The following CLVS1 variants were observed in gnomAD, a reference collection of about 807,000 sequenced individuals.
CLVS1 encodes the protein clavesin 1, also known as clavesin-1.
CLVS1 carries 10 observed loss-of-function variants against 33.1 expected under a neutral mutation model. The ratio of observed to expected loss-of-function variants is 0.30; its 90% CI spans 0.19 to 0.51. The LOEUF (loss-of-function observed/expected upper bound fraction) is 0.51, where lower values mean the gene tolerates loss of function less well. Among genes scored for constraint, CLVS1 ranks in the 20% least tolerant of loss-of-function variants. CLVS1 has a pLI of 0.97. For missense variants in CLVS1, 343 were observed against 433.4 expected (o/e 0.79, Z 1.85); for synonymous variants, 163 against 166.1 (o/e 0.98, Z 0.14).
intron 2 of CLVS1, among the ~76,000 whole-genome samples, chr8:61,347,662 ATATATATATATATATATATATC>A (rs1563508453): frequency 2.0e-5 from 2 of 98,098 alleles, no homozygotes; most frequent in East Asian, 3.5e-4. Flanking sequence ...ATATATATAT[ATATATATATATATATATATATC>A]CTGAAGTATA....
chr8:61,158,041 C>G (rs1353367922), intron 2 of CLVS1, among the ~76,000 whole-genome samples: 8 of 152,198 alleles, frequency 5.3e-5, no homozygotes. Flanking sequence ...TTATTATACA[C>G]AGTAGCCCCA....
chr8:61,103,072 G>A (rs116953064), intron 1 of CLVS1, among the ~76,000 whole-genome samples: 20 of 152,156 alleles, frequency 1.3e-4, no homozygotes, highest in Middle Eastern at 3.4e-3. Context: ...TATGTAAGGC[G>A]GACAGCTTTA....
chr8:61,340,906 G>A (rs1404754273), intron 2 of CLVS1, among the ~76,000 whole-genome samples: 1 of 152,104 alleles, frequency 6.6e-6, no homozygotes, highest in African/African-American at 2.4e-5. Flanking sequence ...TTAAACCCTG[G>A]GGTGGGTGGA....
chr8:60,981,891 G>T, the CLVS1 span, among the ~76,000 whole-genome samples: 1 of 152,244 alleles, frequency 6.6e-6, no homozygotes. Context: ...ATTAGATGGG[G>T]TGTCAGGCTG....
At chr8:61,314,339 G>C (rs1289477067) in intron 2 of CLVS1, among the ~76,000 whole-genome samples, 1 of 152,100 alleles carries the variant, frequency 6.6e-6, no homozygotes, top group African/African-American at 2.4e-5. Flanking sequence ...GATCTCTAAA[G>C]TTTTCTGAAA....
intron 4 of CLVS1, among the ~76,000 whole-genome samples, chr8:61,454,721 C>T (rs1004018416): frequency 1.3e-5 from 2 of 152,194 alleles, no homozygotes; most frequent in Non-Finnish European, 2.9e-5. Context: ...TTGGAAATAA[C>T]ACTGCTCTTA....
intron 3 of CLVS1, among the ~76,000 whole-genome samples, chr8:61,448,530 AG>A (rs1273803707): frequency 6.6e-6 from 1 of 151,854 alleles, no homozygotes; most frequent in African/African-American, 2.4e-5. Context: ...TCTGATGTTC[AG>A]CCCATCTGCT....
intron 3 of CLVS1, among the ~76,000 whole-genome samples, chr8:61,445,102 C>T (rs1816704925): frequency 6.6e-6 from 1 of 152,134 alleles, no homozygotes; most frequent in South Asian, 2.1e-4. Flanking sequence ...ACATTGATTT[C>T]TATAATATAA....
At chr8:61,227,039 A>G (rs971418158) in intron 2 of CLVS1, among the ~76,000 whole-genome samples, 7 of 148,716 alleles carry the variant, frequency 4.7e-5, no homozygotes, top group African/African-American at 1.7e-4. Flanking sequence ...GAAATAGTTC[A>G]ACATTATATC....
intron 1 of CLVS1, among the ~76,000 whole-genome samples, chr8:61,126,206 T>C (rs1298039631): frequency 1.3e-5 from 2 of 152,036 alleles, no homozygotes; most frequent in Non-Finnish European, 2.9e-5. Context: ...ACACACACAC[T>C]GTCTGACTCT....
At chr8:61,212,980 C>T (rs1808003668) in intron 2 of CLVS1, among the ~76,000 whole-genome samples, 2 of 152,090 alleles carry the variant, frequency 1.3e-5, no homozygotes, top group Admixed American at 1.3e-4. Flanking sequence ...ACCAAGCCCA[C>T]CGGTTAGGTT....
intron 1 of CLVS1, among the ~76,000 whole-genome samples, chr8:61,297,357 G>A (rs957623772): frequency 1.4e-4 from 22 of 152,144 alleles, no homozygotes; most frequent in Non-Finnish European, 8.8e-5. Context: ...GAGTAGTGAT[G>A]CAGTCTAAAC....
chr8:61,475,173 C>T (rs1255010046), intron 5 of CLVS1, among the ~76,000 whole-genome samples: 1 of 152,194 alleles, frequency 6.6e-6, no homozygotes, highest in Non-Finnish European at 1.5e-5. Context: ...ATATGTGCCA[C>T]ATTTTCTTAA....
At chr8:61,079,946 C>T (rs1322222913) in intron 1 of CLVS1, among the ~76,000 whole-genome samples, 1 of 152,134 alleles carries the variant, frequency 6.6e-6, no homozygotes, top group Non-Finnish European at 1.5e-5. Context: ...ACCCTAGTGG[C>T]TAAGAATATT....
intron 5 of CLVS1, among the ~76,000 whole-genome samples, chr8:61,472,243 G>A (rs1817759311): frequency 6.6e-6 from 1 of 152,156 alleles, no homozygotes; most frequent in Non-Finnish European, 1.5e-5. Context: ...AAGATCATAT[G>A]TTTCCCAAGG....
intron 2 of CLVS1, among the ~76,000 whole-genome samples, chr8:61,235,209 A>G (rs1481772779): frequency 1.3e-5 from 2 of 152,228 alleles, no homozygotes; most frequent in Non-Finnish European, 2.9e-5. Flanking sequence ...CAAGCATGTG[A>G]GCAGAACACA....
intron 2 of CLVS1, among the ~76,000 whole-genome samples, chr8:61,339,197 G>GT (rs1435787102): frequency 6.6e-6 from 1 of 152,056 alleles, no homozygotes; most frequent in African/African-American, 2.4e-5. Context: ...CTCATCCTCT[G>GT]TAAGAGGAAA....
intron 3 of CLVS1, among the ~76,000 whole-genome samples, chr8:61,394,987 G>T (rs1041536974): frequency 6.6e-6 from 1 of 152,164 alleles, no homozygotes; most frequent in African/African-American, 2.4e-5. Flanking sequence ...CTTCTTTTGA[G>T]AAATGTCTGT....
At chr8:61,170,316 C>G (rs1290374412) in intron 2 of CLVS1, among the ~76,000 whole-genome samples, 2 of 152,134 alleles carry the variant, frequency 1.3e-5, no homozygotes, top group Non-Finnish European at 2.9e-5. Context: ...CTCTGTCCCT[C>G]TCTCTCACTT....
Sources: gnomAD v4.1 joint callset for allele counts (sites outside exome capture counted in the v4.1 genomes callset) on GRCh38, gnomAD v4.1.1 for gene constraint, MANE v1.5 for transcripts, NCBI Gene and HGNC (gene_info 2026-07-23, HGNC 2026-07-21) for gene names.